The following PTPRT variants were observed in gnomAD, a reference collection of about 807,000 sequenced individuals.
PTPRT encodes protein tyrosine phosphatase receptor type T, also known as receptor-type tyrosine-protein phosphatase T.
In PTPRT, 56 loss-of-function variants were observed where a neutral mutation model predicts 176.8. The ratio of observed to expected loss-of-function variants is 0.32; its 90% confidence interval spans 0.26 to 0.40. The LOEUF is 0.40. PTPRT is among the 10% of genes least tolerant of loss of function. PTPRT has a pLI of 1.00. For missense variants in PTPRT, 1,540 were observed against 1,908.2 expected (o/e 0.81, Z 3.60); for synonymous variants, 783 against 739.0 (o/e 1.06, Z -0.96).
At chr20:42,856,168 G>A (rs961200612) in intron 2 of PTPRT, among the ~76,000 whole-genome samples, 13 of 152,164 alleles carry the variant, frequency 8.5e-5, no homozygotes, top group African/African-American at 2.9e-4. Flanking sequence ...TAAATTTAGA[G>A]ACAGATTAGA....
chr20:43,081,279 T>A lies in PTPRT; in HGVS notation c.88+108367A>T, dbSNP rs568366852. 8.5e-5 allele frequency among the ~76,000 whole-genome samples: 13 copies of A among 152,366 alleles called. No homozygotes were observed. The South Asian group carries it at 2.7e-3, about 32-fold the overall frequency. On this transcript the variant is annotated intron_variant, in intron 1 of 30. Transcript: ENST00000373187. ...TGGGAGGAGGAGAAAGTTTTTGCCA[T>A]CATTTCCATTTCTTCAGCAGTGATT...
chr20:43,052,413 T>C (rs1437703036), intron 1 of PTPRT, among the ~76,000 whole-genome samples: 1 of 152,246 alleles, frequency 6.6e-6, no homozygotes, highest in African/African-American at 2.4e-5. Flanking sequence ...GTGTGTGCCA[T>C]GTACCATGCA....
At chr20:42,986,167 C>T (rs79299147) in intron 1 of PTPRT, among the ~76,000 whole-genome samples, 196 of 152,318 alleles carry the variant, frequency 1.3e-3, no homozygotes, top group African/African-American at 4.5e-3. Flanking sequence ...ACTATGCCAA[C>T]GAATATGTCA....
chr20:42,398,223 T>C (rs534001446), intron 9 of PTPRT, among the ~76,000 whole-genome samples: 1 of 152,156 alleles, frequency 6.6e-6, no homozygotes, highest in Non-Finnish European at 1.5e-5. Flanking sequence ...GAATAACCAA[T>C]AGATGTGTAC....
chr20:42,776,856 A>G (rs1487620816), intron 4 of PTPRT, among the ~76,000 whole-genome samples: 1 of 149,086 alleles, frequency 6.7e-6, no homozygotes, highest in Non-Finnish European at 1.5e-5. Flanking sequence ...TAATGCTTGT[A>G]CAATTATATA....
intron 6 of PTPRT, among the ~76,000 whole-genome samples, chr20:42,715,616 T>C (rs1015765065): frequency 3.3e-5 from 5 of 152,142 alleles, no homozygotes; most frequent in African/African-American, 1.2e-4. Context: ...GAACAATGGA[T>C]ACATATACAC....
At chr20:42,254,882 G>A (rs922228750) in intron 13 of PTPRT, among the ~76,000 whole-genome samples, 1 of 152,082 alleles carries the variant, frequency 6.6e-6, no homozygotes. Context: ...CTTTTTCTCT[G>A]ACGTCATCTT....
intron 15 of PTPRT, among the ~76,000 whole-genome samples, chr20:42,225,525 C>T (rs2055985933): frequency 6.6e-6 from 1 of 152,076 alleles, no homozygotes; most frequent in South Asian, 2.1e-4. Context: ...TCCTTTCTTC[C>T]ACTTCTTTGC....
chr20:42,292,942 T>C (rs1600792894), intron 12 of PTPRT, among the ~76,000 whole-genome samples: 3 of 152,216 alleles, frequency 2.0e-5, no homozygotes, highest in Non-Finnish European at 4.4e-5. Flanking sequence ...AAAGCACGTA[T>C]GCTGGATTCT....
chr20:42,371,525 C>T (rs577165722), intron 9 of PTPRT, among the ~76,000 whole-genome samples: 3 of 152,338 alleles, frequency 2.0e-5, no homozygotes, highest in East Asian at 3.9e-4. Flanking sequence ...TCAGACAAGA[C>T]TCTAAGCAAC....
At chr20:42,891,251 T>G (rs984404596) in intron 1 of PTPRT, among the ~76,000 whole-genome samples, 1 of 152,154 alleles carries the variant, frequency 6.6e-6, no homozygotes, top group African/African-American at 2.4e-5. Context: ...ACCCAAAAAA[T>G]CTACCCCCAT....
Position 42,083,136 on chromosome 20 carries a change from A to AAAAAAAAAG in PTPRT, c.4137-1120_4137-1119insCTTTTTTTT, listed in dbSNP as rs146913637. Among the ~76,000 whole-genome samples, 62 of 130,186 alleles carry AAAAAAAAAG rather than the reference A, an allele frequency of 4.8e-4. 1 individual carries two copies. The highest frequency in any genetic ancestry group is 2.1e-3 in the East Asian group (8 of 3,870). The allele number at this position is 130,186 out of a possible 152,430, so 85.4% of individuals were successfully genotyped here. Reference sequence around the variant, plus strand: ...ACTAGTGCAAAAAAAAAAAAAAAAAAGCAGGCTAAAAAACAAACATGAGAG... The same window carrying AAAAAAAAAG: ...ACTAGTGCAAAAAAAAAAAAAAAAAAAAAAAAAAGGCAGGCTAAAAAACAAACATGAGAG... On this transcript the variant is annotated intron_variant, in intron 29 of 30. Coordinates refer to ENST00000373187, the MANE Select transcript of PTPRT (RefSeq NM_007050.6).
chr20:43,166,068 T>C (rs891684002), intron 1 of PTPRT, among the ~76,000 whole-genome samples: 15 of 152,194 alleles, frequency 9.9e-5, no homozygotes, highest in Admixed American at 9.8e-4. Flanking sequence ...CACGCACCTG[T>C]AATCCCAGCA....
intron 6 of PTPRT, among the ~76,000 whole-genome samples, chr20:42,699,715 C>T (rs1255706646): frequency 6.6e-6 from 1 of 152,096 alleles, no homozygotes; most frequent in Non-Finnish European, 1.5e-5. Context: ...GTGTCTTTTT[C>T]CCCTACAAGA....
intron 6 of PTPRT, among the ~76,000 whole-genome samples, chr20:42,715,200 T>A (rs2076205030): frequency 6.6e-6 from 1 of 152,142 alleles, no homozygotes; most frequent in Non-Finnish European, 1.5e-5. Context: ...AGGATAAAAT[T>A]CAATACCATT....
At chr20:42,755,289 A>G (rs540746500) in intron 6 of PTPRT, among the ~76,000 whole-genome samples, 58 of 152,252 alleles carry the variant, frequency 3.8e-4, no homozygotes, top group Non-Finnish European at 3.7e-4. Flanking sequence ...TCCCAGTCAC[A>G]CTGGGTCAGC....
chr20:42,165,990 A>C (rs968481159), intron 16 of PTPRT, among the ~76,000 whole-genome samples: 1 of 152,262 alleles, frequency 6.6e-6, no homozygotes, highest in African/African-American at 2.4e-5. Flanking sequence ...TCAACATATA[A>C]TCACAAAAAT....
intron 7 of PTPRT, among the ~76,000 whole-genome samples, chr20:42,541,186 T>G (rs2072572336): frequency 6.6e-6 from 1 of 152,110 alleles, no homozygotes; most frequent in Non-Finnish European, 1.5e-5. Context: ...TAATTCCAAT[T>G]TAATGTGATG....
the PTPRT span, among the ~76,000 whole-genome samples, chr20:42,036,942 C>A: frequency 1.3e-5 from 2 of 152,188 alleles, no homozygotes; most frequent in Non-Finnish European, 2.9e-5. Flanking sequence ...TTGAATAACT[C>A]ATTTTGGTGT....
Sources: gnomAD v4.1 joint callset for allele counts (sites outside exome capture counted in the v4.1 genomes callset) on GRCh38, gnomAD v4.1.1 for gene constraint, MANE v1.5 for transcripts, NCBI Gene and HGNC (gene_info 2026-07-23, HGNC 2026-07-21) for gene names.